DCC: variants seen among roughly 807,000 people sequenced by gnomAD.
DCC encodes the protein netrin receptor DCC.
DCC carries 58 observed loss-of-function variants against 172.5 expected under a neutral mutation model. The ratio of observed to expected loss-of-function variants is 0.34; its 90% CI spans 0.27 to 0.42. DCC has a LOEUF of 0.42. DCC is among the 10% of genes least tolerant of loss of function. The pLI is 1.00. For synonymous variants in DCC, 709 were observed against 644.5 expected, an observed-to-expected ratio of 1.10 and a Z score of -1.52; for missense variants, 1,740 against 1,791.0, an observed-to-expected ratio of 0.97 and a Z score of 0.51.
chr18:53,146,438 G>A (rs2043917025), intron 7 of DCC, among the ~76,000 whole-genome samples: 1 of 152,106 alleles, frequency 6.6e-6, no homozygotes, highest in African/African-American at 2.4e-5. Flanking sequence ...AGGAATGGAA[G>A]GGGCAAAAAC....
At chr18:52,908,914 A>G (rs1356485314) in intron 3 of DCC, among the ~76,000 whole-genome samples, 3 of 152,192 alleles carry the variant, frequency 2.0e-5, no homozygotes, top group Non-Finnish European at 4.4e-5. Context: ...GTACACATGC[A>G]TGCGCACACA....
intron 1 of DCC, among the ~76,000 whole-genome samples, chr18:52,517,243 G>A (rs2031671946): frequency 6.6e-6 from 1 of 152,164 alleles, no homozygotes; most frequent in Admixed American, 6.5e-5. Context: ...ATAAAAAGAA[G>A]TCCAACATTT....
At chr18:52,851,029 C>CTTAT (rs150746573) in intron 2 of DCC, among the ~76,000 whole-genome samples, 4,059 of 151,998 alleles carry the variant, frequency 0.027, 160 homozygotes, top group African/African-American at 0.089. Context: ...TATTTGTATT[C>CTTAT]TTCAAAATTG....
chr18:52,578,812 C>T (rs2033477500), intron 1 of DCC, among the ~76,000 whole-genome samples: 1 of 152,072 alleles, frequency 6.6e-6, no homozygotes, highest in South Asian at 2.1e-4. Context: ...TCCTGGCCAA[C>T]ATGGTGAAAC....
chr18:53,155,726 T>A (rs536033768), intron 7 of DCC, among the ~76,000 whole-genome samples: 1 of 152,352 alleles, frequency 6.6e-6, no homozygotes, highest in South Asian at 2.1e-4. Context: ...AATAAACCAC[T>A]TCAAATTGTT....
chr18:52,806,320 A>G (rs1173952708), intron 2 of DCC, among the ~76,000 whole-genome samples: 1 of 152,208 alleles, frequency 6.6e-6, no homozygotes, highest in Non-Finnish European at 1.5e-5. Flanking sequence ...ATGAACTTAC[A>G]TTGATACATC....
intron 5 of DCC, among the ~76,000 whole-genome samples, chr18:53,015,511 G>A (rs2143897166): frequency 6.6e-6 from 1 of 152,216 alleles, no homozygotes; most frequent in East Asian, 1.9e-4. Flanking sequence ...TTATGTGAGT[G>A]ACAGTAATAT....
At chr18:52,927,572 G>A (rs751741360) in intron 5 of DCC, among the ~76,000 whole-genome samples, 2 of 152,044 alleles carry the variant, frequency 1.3e-5, no homozygotes, top group Non-Finnish European at 2.9e-5. Context: ...CCTTAGGCCA[G>A]ATGATTAGTC....
intron 17 of DCC, among the ~76,000 whole-genome samples, chr18:53,394,735 GATTTATTTAAT>G (rs1438162290): frequency 6.6e-6 from 1 of 152,094 alleles, no homozygotes; most frequent in Non-Finnish European, 1.5e-5. Flanking sequence ...ATGTAGTTAA[GATTTATTTAAT>G]ACTTTCTCTG....
At chr18:52,417,141 T>C (rs1987064736) in intron 1 of DCC, among the ~76,000 whole-genome samples, 1 of 152,122 alleles carries the variant, frequency 6.6e-6, no homozygotes, top group Non-Finnish European at 1.5e-5. Flanking sequence ...AAGCTTAGTT[T>C]GGCTGGATAT....
At chr18:52,870,949 G>A (rs1415713914) in intron 2 of DCC, among the ~76,000 whole-genome samples, 2 of 152,108 alleles carry the variant, frequency 1.3e-5, no homozygotes, top group Non-Finnish European at 2.9e-5. Flanking sequence ...TTGTGCAGCA[G>A]GCAGGAAGAA....
intron 1 of DCC, among the ~76,000 whole-genome samples, chr18:52,570,730 G>A (rs1444536590): frequency 2.6e-5 from 4 of 152,158 alleles, no homozygotes; most frequent in Non-Finnish European, 5.9e-5. Flanking sequence ...GTGACATAAA[G>A]TTGATATTTT....
At chr18:53,467,717 G>C (rs1277050027) in intron 24 of DCC, among the ~76,000 whole-genome samples, 177 bp from the exon 25 acceptor site, 1 of 152,154 alleles carries the variant, frequency 6.6e-6, no homozygotes, top group Non-Finnish European at 1.5e-5. Flanking sequence ...TGAGTTTAGA[G>C]TTTATGGTTA....
intron 1 of DCC, among the ~76,000 whole-genome samples, chr18:52,597,092 G>A (rs924603082): frequency 2.7e-5 from 4 of 146,586 alleles, no homozygotes; most frequent in Non-Finnish European, 4.6e-5. Flanking sequence ...GGAAAGACTC[G>A]GTGAAATTCT....
At position 53,253,676 on chromosome 18, in the gene DCC, G is replaced by T. The variant is rs556975491; in HGVS notation, c.1911+38079G>T. 5.9e-5 allele frequency among the ~76,000 whole-genome samples: 9 copies of T among 152,070 alleles called. No individual in the cohort carries two copies. The South Asian group carries it at 1.9e-3, about 31-fold the overall frequency. On this transcript the variant is annotated intron_variant, in intron 12 of 28. Transcript: ENST00000442544. The stretch of plus-strand genomic sequence containing the variant: ...GTCATATTGTTTCTATTTTTAAATG[G>T]AAAACAACATGAGCTTTCTCAAAGC...
At chr18:52,404,544 C>T (rs979862376) in intron 1 of DCC, among the ~76,000 whole-genome samples, 3 of 149,812 alleles carry the variant, frequency 2.0e-5, no homozygotes, top group Admixed American at 1.3e-4. Context: ...ACACAGTAAA[C>T]CTGTATGCAG....
intron 1 of DCC, among the ~76,000 whole-genome samples, chr18:52,364,927 T>G (rs1984779386): frequency 6.6e-6 from 1 of 152,202 alleles, no homozygotes; most frequent in Admixed American, 6.5e-5. Flanking sequence ...TTCAGAGACT[T>G]ACATTGGGGG....
chr18:52,776,804 A>C (rs1599098983), intron 2 of DCC, among the ~76,000 whole-genome samples: 2 of 152,340 alleles, frequency 1.3e-5, no homozygotes, highest in African/African-American at 2.4e-5. Flanking sequence ...CTTTGAGAAA[A>C]GTTTTCTGCA....
At chr18:53,128,500 G>C (rs116289879) in intron 7 of DCC, among the ~76,000 whole-genome samples, 2,329 of 152,046 alleles carry the variant, frequency 0.015, 65 homozygotes, top group African/African-American at 0.053. Flanking sequence ...TGGGCTATCA[G>C]CTTTCAGCAT....
Sources: gnomAD v4.1 joint callset for allele counts (sites outside exome capture counted in the v4.1 genomes callset) on GRCh38, gnomAD v4.1.1 for gene constraint, MANE v1.5 for transcripts, NCBI Gene and HGNC (gene_info 2026-07-23, HGNC 2026-07-21) for gene names.